The following NRXN3 variants were observed in gnomAD, a reference collection of about 807,000 sequenced individuals.
NRXN3 encodes neurexin III.
A neutral mutation model predicts 137.6 loss-of-function variants in NRXN3; 32 were observed. The ratio of observed to expected loss-of-function variants is 0.23; its 90% CI spans 0.18 to 0.31. The LOEUF (loss-of-function observed/expected upper bound fraction) is 0.31. Among genes scored for constraint, NRXN3 ranks in the 10% least tolerant of loss-of-function variants. The pLI, the probability that NRXN3 is intolerant of heterozygous loss-of-function variation, is 1.00. For missense variants in NRXN3, 1,574 were observed against 2,062.5 expected (o/e 0.76, Z 4.59); for synonymous variants, 798 against 784.5 (o/e 1.02, Z -0.29).
chr14:78,253,317 T>G (rs2068946492), intron 2 of NRXN3, among the ~76,000 whole-genome samples: 1 of 152,192 alleles, frequency 6.6e-6, no homozygotes, highest in Non-Finnish European at 1.5e-5. Flanking sequence ...TTTATTATAA[T>G]GTATTACTTT....
intron 4 of NRXN3, among the ~76,000 whole-genome samples, chr14:78,632,199 AC>A (rs2097528944): frequency 6.6e-6 from 1 of 151,908 alleles, no homozygotes; most frequent in African/African-American, 2.4e-5. Context: ...TAGTGAATAT[AC>A]ACAATTCCCA....
In NRXN3 at chr14:79,768,431, C is replaced by T. The variant is rs375215642; in HGVS notation, c.4015-36681C>T. ...CAGCACGCAGCTGGAGATCTGAGAA[C>T]GGGCAGACTGCCTCCTCAAGTGGGT... On this transcript the variant is annotated intron_variant, in intron 19 of 20. Coordinates refer to ENST00000335750, the MANE Select transcript of NRXN3 (RefSeq NM_001330195.2). Among the ~76,000 whole-genome samples, 359 of 152,296 alleles carry T rather than the reference C, an allele frequency of 2.4e-3. 12 individuals carry two copies. In the East Asian group the frequency reaches 0.044, roughly 19 times the overall value.
intron 16 of NRXN3, among the ~76,000 whole-genome samples, chr14:79,581,946 G>A (rs1360969406): frequency 6.6e-6 from 1 of 152,042 alleles, no homozygotes; most frequent in African/African-American, 2.4e-5. Context: ...TTATTTTTGG[G>A]GAACAGGGTT....
intron 15 of NRXN3, among the ~76,000 whole-genome samples, chr14:79,060,712 A>G (rs576515161): frequency 5.9e-5 from 9 of 152,316 alleles, no homozygotes; most frequent in Admixed American, 1.3e-4. Flanking sequence ...TCAGCTTCCT[A>G]TAAAACTAGA....
chr14:79,197,338 G>A (rs1245131859), intron 15 of NRXN3, among the ~76,000 whole-genome samples: 1 of 152,078 alleles, frequency 6.6e-6, no homozygotes, highest in African/African-American at 2.4e-5. Context: ...AAATAGACTT[G>A]TACCACATTA....
chr14:78,610,948 A>G (rs2097295554), intron 4 of NRXN3, among the ~76,000 whole-genome samples: 1 of 152,204 alleles, frequency 6.6e-6, no homozygotes, highest in Non-Finnish European at 1.5e-5. Flanking sequence ...GCAGAGAATG[A>G]TAAGCCAGCT....
chr14:79,818,511 T>C (rs1049601987), intron 20 of NRXN3, among the ~76,000 whole-genome samples: 16 of 152,208 alleles, frequency 1.1e-4, no homozygotes, highest in African/African-American at 3.6e-4. Flanking sequence ...GAAATAAATA[T>C]GTTCCTTAGA....
intron 15 of NRXN3, among the ~76,000 whole-genome samples, chr14:79,358,749 C>G (rs1436364937): frequency 1.3e-5 from 2 of 151,982 alleles, no homozygotes; most frequent in East Asian, 3.9e-4. Flanking sequence ...AATTAGCCTC[C>G]TCCCAAAGCC....
rs154315 is a variant in NRXN3 at position 78,885,671 on chromosome 14, A to G, written c.2276-71571A>G. Reference sequence around the variant, plus strand: ...GCTGACTTTGTAAAATTGTAATCCAAAAGCAAAGAATCTTGACAGCTTAGA... The same window carrying G: ...GCTGACTTTGTAAAATTGTAATCCAGAAGCAAAGAATCTTGACAGCTTAGA... On this transcript the variant is annotated intron_variant, in intron 10 of 20. Coordinates refer to ENST00000335750, the MANE Select transcript of NRXN3 (RefSeq NM_001330195.2). Among the ~76,000 whole-genome samples the G allele has an allele frequency of 8.9e-3, 1,356 of 152,216 alleles. 16 individuals carry two copies. Among genetic ancestry groups the G allele is most frequent in the African/African-American group, 0.031 (1,305 of 41,536 alleles).
intron 16 of NRXN3, among the ~76,000 whole-genome samples, chr14:79,488,136 G>C (rs2096674823): frequency 6.6e-6 from 1 of 152,148 alleles, no homozygotes; most frequent in Non-Finnish European, 1.5e-5. Context: ...AGTAGAATTT[G>C]CTGCAGTGAC....
chr14:79,025,464 C>T (rs940359070), intron 15 of NRXN3, among the ~76,000 whole-genome samples: 9 of 152,220 alleles, frequency 5.9e-5, no homozygotes, highest in East Asian at 5.8e-4. Context: ...GAACTCACTG[C>T]GTGTGTTCCC....
At chr14:79,780,454 A>AC (rs1393983834) in intron 19 of NRXN3, among the ~76,000 whole-genome samples, 6 of 151,358 alleles carry the variant, frequency 4.0e-5, no homozygotes, top group South Asian at 2.1e-4. Context: ...CAAAAAAAAA[A>AC]CAAAATTAGC....
intron 15 of NRXN3, among the ~76,000 whole-genome samples, chr14:79,088,293 A>C (rs1262452390): frequency 6.7e-6 from 1 of 149,492 alleles, no homozygotes; most frequent in Non-Finnish European, 1.5e-5. Context: ...GATCAGCTTA[A>C]AATAAAGTGA....
intron 15 of NRXN3, among the ~76,000 whole-genome samples, chr14:79,189,403 G>A (rs2063963445): frequency 8.9e-6 from 1 of 112,236 alleles, no homozygotes; most frequent in Non-Finnish European, 1.8e-5. Flanking sequence ...GGGGGGAGGG[G>A]GGAGGGATAG....
chr14:78,779,179 T>C (rs1399474520), intron 8 of NRXN3, among the ~76,000 whole-genome samples: 1 of 152,024 alleles, frequency 6.6e-6, no homozygotes, highest in African/African-American at 2.4e-5. Context: ...AAATACATCC[T>C]AAACAAAAAC....
chr14:79,358,607 G>GAAAGAAGGAAATAA (rs10667477), intron 15 of NRXN3, among the ~76,000 whole-genome samples: 1 of 79,944 alleles, frequency 1.3e-5, no homozygotes, highest in African/African-American at 4.2e-5. Context: ...AAGAAAGAAA[G>GAAAGAAGGAAATAA]AGAAAGAAAG....
At chr14:78,862,219 C>A (rs2099074209) in intron 10 of NRXN3, among the ~76,000 whole-genome samples, 1 of 151,220 alleles carries the variant, frequency 6.6e-6, no homozygotes, top group African/African-American at 2.4e-5. Context: ...ACAAGAATAT[C>A]TATAACAAGA....
chr14:78,838,561 T>G (rs950517239), intron 10 of NRXN3, among the ~76,000 whole-genome samples: 7 of 152,166 alleles, frequency 4.6e-5, no homozygotes, highest in African/African-American at 1.7e-4. Context: ...ATTCTTTCCA[T>G]CTTACAGATG....
At chr14:78,643,504 A>T (rs1421333420) in intron 4 of NRXN3, among the ~76,000 whole-genome samples, 1 of 152,244 alleles carries the variant, frequency 6.6e-6, no homozygotes, top group Non-Finnish European at 1.5e-5. Context: ...TCAAAATTAT[A>T]GATCGAATCA....
Sources: allele counts gnomAD v4.1 joint callset (sites outside exome capture counted in the v4.1 genomes callset), GRCh38; gene constraint gnomAD v4.1.1; transcripts MANE v1.5; gene names NCBI Gene and HGNC (gene_info 2026-07-23, HGNC 2026-07-21).